Variants in GALNT8 observed in about 807,000 individuals in gnomAD.
GALNT8 encodes polypeptide N-acetylgalactosaminyltransferase 8.
A neutral mutation model predicts 62.7 loss-of-function variants in GALNT8; 66 were observed. The ratio of observed to expected loss-of-function variants is 1.05; its 90% confidence interval spans 0.86 to 1.29. The LOEUF (loss-of-function observed/expected upper bound fraction) is 1.29. Ranked by LOEUF, GALNT8 falls within the 50% of genes most tolerant of loss-of-function variation. GALNT8 has a pLI of 0.00. For synonymous variants in GALNT8, 288 were observed against 294.3 expected (o/e 0.98, Z 0.22); for missense variants, 771 against 791.8 (o/e 0.97, Z 0.32).
intron 6 of GALNT8, among the ~76,000 whole-genome samples, chr12:4,758,811 C>T (rs1417575603): frequency 6.6e-6 from 1 of 151,114 alleles, no homozygotes; most frequent in African/African-American, 2.4e-5. Context: ...GAGTCTTGCT[C>T]TGTTTCCCAG....
chr12:4,744,986 A>G (rs1182647480), intron 4 of GALNT8, among the ~76,000 whole-genome samples: 1 of 152,186 alleles, frequency 6.6e-6, no homozygotes, highest in Non-Finnish European at 1.5e-5. Flanking sequence ...AACTGTAAAG[A>G]TGAGGAGATT....
chr12:4,736,815 G>T (rs1946247381), intron 2 of GALNT8, among the ~76,000 whole-genome samples: 1 of 152,040 alleles, frequency 6.6e-6, no homozygotes, highest in Non-Finnish European at 1.5e-5. Context: ...GACATACAAA[G>T]ATACAGGAAA....
chr12:4,759,078 A>C (rs1284551117), intron 6 of GALNT8, among the ~76,000 whole-genome samples: 1 of 152,156 alleles, frequency 6.6e-6, no homozygotes, highest in East Asian at 1.9e-4. Flanking sequence ...ACCTGGCCTC[A>C]GCAATCTTGA....
chr12:4,756,282 G>A lies in GALNT8; in HGVS notation c.1174-4676G>A, dbSNP rs73264319. Among the ~76,000 whole-genome samples, 1,069 of 152,242 alleles carry A rather than the reference G, an allele frequency of 7.0e-3. 10 individuals carry two copies. The highest frequency in any genetic ancestry group is 0.024 in the African/African-American group (1,009 of 41,540). On this transcript the variant is annotated intron_variant, in intron 6 of 10. Transcript: ENST00000252318. The stretch of plus-strand genomic sequence containing the variant: ...AGCCTAAGGCCGAACTCTTAAAAGA[G>A]GCAATGGAAAGTAGTCGAAATTACA...
intron 3 of GALNT8, among the ~76,000 whole-genome samples, chr12:4,742,257 C>T (rs1001485920): frequency 2.0e-5 from 3 of 152,166 alleles, no homozygotes; most frequent in Non-Finnish European, 4.4e-5. Flanking sequence ...AGAGGTTTGC[C>T]TCCTTTCTGT....
intron 2 of GALNT8, among the ~76,000 whole-genome samples, chr12:4,730,394 T>C (rs1946216189): frequency 6.6e-6 from 1 of 152,180 alleles, no homozygotes; most frequent in Non-Finnish European, 1.5e-5. Flanking sequence ...TTGTATATGG[T>C]GTGAGATAGG....
At chr12:4,753,406 G>C (rs12296346) in intron 6 of GALNT8, among the ~76,000 whole-genome samples, 303 of 152,140 alleles carry the variant, frequency 2.0e-3, no homozygotes, top group African/African-American at 7.0e-3. Context: ...CAAATAGCCT[G>C]TCCTCAAGCT....
chr12:4,728,397 G>T (rs905299760), intron 2 of GALNT8, among the ~76,000 whole-genome samples: 18 of 151,798 alleles, frequency 1.2e-4, no homozygotes, highest in African/African-American at 4.4e-4. Flanking sequence ...ATTTTCTCCT[G>T]GGTTGCTTGT....
chr12:4,767,974 C>A (rs534977744), intron 10 of GALNT8, among the ~76,000 whole-genome samples: 241 of 152,154 alleles, frequency 1.6e-3, no homozygotes, highest in Middle Eastern at 0.01. Context: ...TTTTGACAAT[C>A]CCCTTTAAAG....
intron 2 of GALNT8, among the ~76,000 whole-genome samples, chr12:4,732,985 T>C (rs1946227282): frequency 7.7e-6 from 1 of 130,106 alleles, no homozygotes; most frequent in Non-Finnish European, 1.6e-5. Flanking sequence ...ATTAAAATTA[T>C]TTGCTTGAGG....
At chr12:4,770,374 GA>G (rs1946418316) in intron 10 of GALNT8, among the ~76,000 whole-genome samples, 1 of 151,290 alleles carries the variant, frequency 6.6e-6, no homozygotes, top group African/African-American at 2.4e-5. Flanking sequence ...GTAAGATACA[GA>G]TGAACACAAT....
intron 6 of GALNT8, among the ~76,000 whole-genome samples, chr12:4,756,306 C>T (rs1476887268): frequency 6.6e-6 from 1 of 152,158 alleles, no homozygotes; most frequent in Non-Finnish European, 1.5e-5. Flanking sequence ...GTCGAAATTA[C>T]ACAGGTGTTG....
intron 6 of GALNT8, among the ~76,000 whole-genome samples, chr12:4,754,215 C>T (rs1234909768): frequency 6.6e-6 from 1 of 152,014 alleles, no homozygotes; most frequent in Admixed American, 6.5e-5. Context: ...CCCTTGAGAC[C>T]CTGGTGCTCT....
chr12:4,745,553 T>A lies in GALNT8; in HGVS notation c.985T>A (p.Trp329Arg). 6.2e-7 allele frequency: 1 copy of A among 1,614,016 alleles called. No homozygotes were observed. The highest frequency in any genetic ancestry group is 8.5e-7 in the Non-Finnish European group (1 of 1,179,898). ...KYELAVDGFN[W>R]ELWCRYDALP... The stretch of plus-strand genomic sequence containing the variant: ...TGAACTGGCAGTTGATGGGTTTAAC[T>A]GGGAACTCTGGTGCCGCTACGATGC... The change falls in exon 5 of 11, where the codon TGG becomes AGG. Residue 329 changes from tryptophan (W) to arginine (R), a missense_variant. By Grantham distance (101) the Trp-to-Arg change is moderately radical. Coordinates refer to ENST00000252318, the MANE Select transcript of GALNT8 (RefSeq NM_017417.2).
intron 6 of GALNT8, among the ~76,000 whole-genome samples, chr12:4,759,113 T>C (rs935207390): frequency 4.6e-5 from 7 of 152,166 alleles, no homozygotes; most frequent in African/African-American, 1.7e-4. Context: ...TTAAGATTTC[T>C]TATGATAACA....
intron 2 of GALNT8, among the ~76,000 whole-genome samples, chr12:4,731,111 C>T (rs2137521386): frequency 1.3e-5 from 2 of 152,188 alleles, no homozygotes; most frequent in East Asian, 1.9e-4. Flanking sequence ...GCTGGGATTA[C>T]AAGCGTGAGC....
At chr12:4,761,213 G>A (rs551073173) in intron 7 of GALNT8, 70 bp downstream of exon 7, 1 of 1,354,014 alleles carries the variant, frequency 7.4e-7, no homozygotes, top group East Asian at 2.3e-5. Context: ...GTAATGGGGA[G>A]GGATAAAGCA....
chr12:4,767,220 C>G (rs956600926), intron 10 of GALNT8, among the ~76,000 whole-genome samples: 7 of 152,116 alleles, frequency 4.6e-5, no homozygotes, highest in African/African-American at 7.2e-5. Context: ...TCTAATTGCT[C>G]TCAGGGGTGC....
intron 6 of GALNT8, among the ~76,000 whole-genome samples, chr12:4,747,515 C>G (rs949828966): frequency 6.6e-6 from 1 of 152,154 alleles, no homozygotes; most frequent in African/African-American, 2.4e-5. Flanking sequence ...ACATAATGAT[C>G]TCCAGTTCCA....
Sources: allele counts gnomAD v4.1 joint callset (sites outside exome capture counted in the v4.1 genomes callset), GRCh38; gene constraint gnomAD v4.1.1; transcripts MANE v1.5; gene names NCBI Gene and HGNC (gene_info 2026-07-23, HGNC 2026-07-21).